DNAH10: variants seen among roughly 807,000 people sequenced by gnomAD.
DNAH10 encodes the protein axonemal beta dynein heavy chain 10.
In DNAH10, 348 loss-of-function variants were observed where a neutral mutation model predicts 506.6. The observed-to-expected ratio is 0.69, with a 90% CI of 0.63 to 0.75. The LOEUF is 0.75. Ranked by LOEUF, DNAH10 falls within the 30% of genes least tolerant of loss-of-function variation. The pLI is 0.00. For synonymous variants in DNAH10, 2,059 were observed against 2,198.6 expected, an observed-to-expected ratio of 0.94 and a Z score of 1.78; for missense variants, 5,179 against 5,787.1, an observed-to-expected ratio of 0.89 and a Z score of 3.41.
intron 47 of DNAH10, among the ~76,000 whole-genome samples, chr12:123,876,624 A>G (rs899674782): frequency 6.6e-6 from 1 of 151,512 alleles, no homozygotes; most frequent in Non-Finnish European, 1.5e-5. Flanking sequence ...CAGAGTCTCA[A>G]TCTAAAATAC....
Position 123,853,828 on chromosome 12 carries a change from A to G in DNAH10, c.6438+476A>G, listed in dbSNP as rs1416211848. 2.7e-5 allele frequency among the ~76,000 whole-genome samples: 4 copies of G among 150,398 alleles called. No individual in the cohort carries two copies. Among genetic ancestry groups the G allele is most frequent in the Non-Finnish European group, 4.4e-5 (3 of 67,744 alleles). On this transcript the variant is annotated intron_variant, in intron 36 of 78. Transcript: ENST00000673944. The surrounding 1 kb of genome is among the most constrained non-coding windows in gnomAD (Gnocchi z 4.7). ...CAATGTTGCACGCACACACGCACGC[A>G]CACACACGCACACGCACGGACACAC...
chr12:123,908,649 AG>A, intron 57 of DNAH10: 1 of 438,232 alleles, frequency 2.3e-6, no homozygotes, highest in Non-Finnish European at 4.6e-6. Flanking sequence ...CAGAGGAACA[AG>A]GGCAGTGGAC....
In DNAH10 at chr12:123,917,417, C is replaced by T. The variant is rs1954530407; in HGVS notation, c.11003-167C>T. On this transcript the variant is annotated intron_variant, in intron 63 of 78. Coordinates refer to ENST00000673944, the MANE Select transcript of DNAH10 (RefSeq NM_001372106.1). The surrounding 1 kb of genome is among the most constrained non-coding windows in gnomAD (Gnocchi z 5.6). ...GCACCACAGCATCGCTGTTTTGCTCCTGCCTGCCACCTTGCTGCTCTAGAG... is the reference window on the plus strand; with the variant it reads ...GCACCACAGCATCGCTGTTTTGCTCTTGCCTGCCACCTTGCTGCTCTAGAG... 6.6e-6 allele frequency among the ~76,000 whole-genome samples: 1 copy of T among 152,248 alleles called. No homozygotes were observed. Among genetic ancestry groups the T allele is most frequent in the Non-Finnish European group, 1.5e-5 (1 of 68,048 alleles).
intron 18 of DNAH10, among the ~76,000 whole-genome samples, chr12:123,806,979 A>G (rs1958700986): frequency 6.6e-6 from 1 of 152,198 alleles, no homozygotes. Context: ...TGTGTTAGCC[A>G]GGATGGTTTC....
rs979906116 is a variant in DNAH10, at chr12:123,870,429, G to A, written c.7583G>A (p.Ser2528Asn). 2 of 1,613,918 alleles carry A rather than the reference G, an allele frequency of 1.2e-6. No homozygotes were observed. The highest frequency in any genetic ancestry group is 1.3e-5 in the African/African-American group (1 of 75,032). The change falls in exon 44 of 79, where the codon AGT (serine) becomes AAT (asparagine). Residue 2528 changes from serine to asparagine, a missense_variant. Physicochemically the swap from Ser to Asn is conservative, Grantham distance 46. Coordinates refer to ENST00000673944, the MANE Select transcript of DNAH10 (RefSeq NM_001372106.1). ...DNKRNQWVPW[S>N]KLVPEYIHAP... is the part of the protein sequence containing the mutation. The stretch of plus-strand genomic sequence containing the variant: ...AAACGGAATCAATGGGTCCCATGGA[G>A]TAAATTAGTTCCAGAGTATATTCAT...
chr12:123,833,437 T>C (rs1270026705), intron 27 of DNAH10, 90 bp downstream of exon 27: 1 of 998,774 alleles, frequency 1.0e-6, no homozygotes, highest in African/African-American at 1.6e-5. Flanking sequence ...AACTTTTATA[T>C]GAGGATATTT....
rs1957832688 is a variant in DNAH10 at position 123,785,896 on chromosome 12, G to C, written c.1381G>C (p.Glu461Gln). The C allele has an allele frequency of 6.2e-7, 1 of 1,613,938 alleles. No individual in the cohort carries two copies. The highest frequency in any genetic ancestry group is 8.5e-7 in the Non-Finnish European group (1 of 1,179,906). Residue 461 changes from glutamate to glutamine, a missense_variant, in exon 9 of 79, where the codon GAG becomes CAG. Glu to Gln is a conservative substitution (Grantham distance 29). This residue lies in a region of DNAH10 where 4,844 missense variants were observed against 5,430.5 expected (regional missense o/e 0.89). Coordinates refer to ENST00000673944, the MANE Select transcript of DNAH10 (RefSeq NM_001372106.1). The surrounding 1 kb of genome is among the most constrained non-coding windows in gnomAD (Gnocchi z 4.1). The stretch of plus-strand genomic sequence containing the variant: ...GGAGCGCATCGCCTGGGAAATCGCT[G>C]AGAGAGTCTGCCGAGTGGTCAACCT... Reference protein sequence around the residue: ...LMERIAWEIAERVCRVVNLRT... With the variant: ...LMERIAWEIAQRVCRVVNLRT...
At chr12:123,923,063 T>G (rs965690522) in intron 65 of DNAH10, 1 of 152,196 alleles carries the variant, frequency 6.6e-6, no homozygotes, top group African/African-American at 2.4e-5. Context: ...AAACAATTTT[T>G]TTTTCCAGGA....
In DNAH10 at chr12:123,918,886, A is replaced by G. The variant is rs758260584; in HGVS notation, c.11443A>G (p.Met3815Val). The G allele has an allele frequency of 5.4e-5, 87 of 1,613,902 alleles. No homozygotes were observed. Among genetic ancestry groups the G allele is most frequent in the Non-Finnish European group, 6.9e-5 (82 of 1,179,882 alleles). Reference sequence around the variant, plus strand: ...GAAGTCGCTGCCTGATTCCATCCTCATGAAACGCCTGAGGAACATCATGGA... The same window carrying G: ...GAAGTCGCTGCCTGATTCCATCCTCGTGAAACGCCTGAGGAACATCATGGA... Reference protein sequence around the residue: ...LKKSLPDSILMKRLRNIMDTL... With the variant: ...LKKSLPDSILVKRLRNIMDTL... Residue 3815 changes from methionine to valine, a missense_variant, in exon 65 of 79, where the codon ATG becomes GTG. Physicochemically the swap from Met to Val is conservative, Grantham distance 21. This residue lies in a region of DNAH10 where 4,844 missense variants were observed against 5,430.5 expected (regional missense o/e 0.89). Transcript: ENST00000673944.
At position 123,866,016 on chromosome 12, in the gene DNAH10, TA is replaced by T. The variant is rs1486506837; in HGVS notation, c.7115del (p.Asn2372ThrfsTer2). The T allele has an allele frequency of 1.2e-6, 2 of 1,612,482 alleles. No homozygotes were observed. The highest frequency in any genetic ancestry group is 1.7e-5 in the Admixed American group (1 of 59,534). On this transcript the variant is annotated frameshift_variant, in exon 41 of 79. Coordinates refer to ENST00000673944, the MANE Select transcript of DNAH10 (RefSeq NM_001372106.1). LOFTEE classifies it high-confidence loss of function. ...GATGTGGAATGGTTTATGTGGATCC[TA>T]AAAACTTGAAATATCGACCATACTG... ...SRCGMVYVDP[K>X]NLKYRPYWKK...
At chr12:123,904,043 G>T (rs1019402656) in intron 57 of DNAH10, among the ~76,000 whole-genome samples, 1 of 152,214 alleles carries the variant, frequency 6.6e-6, no homozygotes, top group Non-Finnish European at 1.5e-5. Context: ...TGCTGCCTGT[G>T]AAGGCTGAGC....
chr12:123,923,691 G>A, intron 65 of DNAH10, 72 bp from the exon 66 acceptor site: 2 of 987,046 alleles, frequency 2.0e-6, no homozygotes, highest in Non-Finnish European at 3.0e-6. Flanking sequence ...TTTAAGCACA[G>A]TGTGCATAAG....
At chr12:123,931,164 A>G (rs147153088) in intron 73 of DNAH10, among the ~76,000 whole-genome samples, 177 bp from the exon 74 acceptor site, 107 of 152,218 alleles carry the variant, frequency 7.0e-4, no homozygotes, top group African/African-American at 2.4e-3. Context: ...GTAGTGATCA[A>G]TGACCATGTC....
At chr12:123,912,810 C>T (rs1056256894) in intron 59 of DNAH10, among the ~76,000 whole-genome samples, 1 of 152,208 alleles carries the variant, frequency 6.6e-6, no homozygotes, top group Admixed American at 6.5e-5. Flanking sequence ...GTATATTCTT[C>T]TGAGTTTTTG....
Position 123,762,350 on chromosome 12 carries a change from G to C in DNAH10, c.14G>C (p.Arg5Pro). The change falls in exon 1 of 79, where the codon CGG becomes CCG. Residue 5 changes from arginine to proline, a missense_variant. Arg to Pro is a moderately radical substitution (Grantham distance 103, BLOSUM62 -2). This residue lies in a region of DNAH10 where 326 missense variants were observed against 330.8 expected (regional missense o/e 0.99). Transcript: ENST00000673944. This position sits in a 1 kb window ranked among gnomAD's most constrained non-coding sequence, Gnocchi z 5.0. ...CTGCGCGGCGCCATGGACGACCTGCGGGTGCTGTGGATGCGCGACCGCGTG... is the reference window on the plus strand; with the variant it reads ...CTGCGCGGCGCCATGGACGACCTGCCGGTGCTGTGGATGCGCGACCGCGTG... The part of the protein sequence containing the change: MDDL[R>P]VLWMRDRVYA... The C allele has an allele frequency of 7.4e-7, 1 of 1,348,632 alleles. No homozygotes were observed. Among genetic ancestry groups the C allele is most frequent in the Non-Finnish European group, 9.5e-7 (1 of 1,047,940 alleles). The allele number at this position is 1,348,632 out of a possible 1,614,324, so 83.5% of individuals were successfully genotyped here. A position where few individuals can be genotyped will look rare whatever the true frequency, so the allele number is the denominator to read the frequency against.
At chr12:123,831,632 C>A (rs1284151197) in intron 26 of DNAH10, among the ~76,000 whole-genome samples, 1 of 152,156 alleles carries the variant, frequency 6.6e-6, no homozygotes, top group African/African-American at 2.4e-5. Context: ...GTGGCTCACG[C>A]CTGTAATCCC....
At chr12:123,852,607 C>G (rs964806644) in intron 35 of DNAH10, among the ~76,000 whole-genome samples, 1 of 150,494 alleles carries the variant, frequency 6.6e-6, no homozygotes, top group African/African-American at 2.5e-5. Context: ...GAATCTTGCT[C>G]TGTCACCCAG....
chr12:123,909,364 T>C lies in DNAH10; in HGVS notation c.9919T>C (p.Ser3307Pro). 1 of 1,612,214 alleles carries C rather than the reference T, an allele frequency of 6.2e-7. No homozygotes were observed. Among genetic ancestry groups the C allele is most frequent in the African/African-American group, 1.3e-5 (1 of 75,018 alleles). Residue 3307 changes from serine (S) to proline (P), a missense_variant, in exon 58 of 79, where the codon TCC becomes CCC. Ser to Pro is a moderately conservative substitution (Grantham distance 74, BLOSUM62 -1). This residue lies in a region of DNAH10 where 4,844 missense variants were observed against 5,430.5 expected (regional missense o/e 0.89). Coordinates refer to ENST00000673944, the MANE Select transcript of DNAH10 (RefSeq NM_001372106.1). The surrounding 1 kb of genome is among the most constrained non-coding windows in gnomAD (Gnocchi z 5.4). ...LNWKTAKGVMSDPNFLRSLME... is the reference protein window; with the variant it reads ...LNWKTAKGVMPDPNFLRSLME... The stretch of plus-strand genomic sequence containing the variant: ...CTGGAAAACAGCCAAGGGCGTGATG[T>C]CCGACCCGAATTTCCTGCGGTCTCT...
intron 30 of DNAH10, among the ~76,000 whole-genome samples, chr12:123,842,719 A>G (rs541881205): frequency 6.6e-6 from 1 of 152,202 alleles, no homozygotes; most frequent in Non-Finnish European, 1.5e-5. Context: ...TCTGGAAAAA[A>G]TTTTTTTAAA....
Sources: gnomAD v4.1 joint callset for allele counts (sites outside exome capture counted in the v4.1 genomes callset) on GRCh38, gnomAD v4.1.1 for gene constraint, gnomAD v4.1.1 regional missense constraint, Gnocchi (gnomAD v3.1) non-coding constraint, MANE v1.5 for transcripts, NCBI Gene and HGNC (gene_info 2026-07-23, HGNC 2026-07-21) for gene names.